Variants in SPIDR observed in about 807,000 individuals in gnomAD.
SPIDR encodes the protein DNA repair-scaffolding protein.
A neutral mutation model predicts 104.6 loss-of-function variants in SPIDR; 93 were observed. The observed-to-expected ratio is 0.89, with a 90% CI of 0.75 to 1.06. The LOEUF (loss-of-function observed/expected upper bound fraction) is 1.06. Ranked by LOEUF, SPIDR falls within the 50% of genes least tolerant of loss-of-function variation. The probability of loss-of-function intolerance (pLI) is 0.00; values close to 1 mark genes in which losing one functional copy is unlikely to be tolerated. For missense variants in SPIDR, 1,154 were observed against 1,111.2 expected (o/e 1.04, Z -0.55); for synonymous variants, 431 against 416.9 (o/e 1.03, Z -0.41).
intron 8 of SPIDR, among the ~76,000 whole-genome samples, chr8:47,573,705 T>G (rs1041519179): frequency 2.6e-5 from 4 of 152,222 alleles, no homozygotes; most frequent in South Asian, 2.1e-4. Context: ...GCCACCAGTC[T>G]CACTTTTGGA....
At chr8:47,394,137 C>T (rs2060970208) in intron 5 of SPIDR, among the ~76,000 whole-genome samples, 1 of 152,186 alleles carries the variant, frequency 6.6e-6, no homozygotes, top group Non-Finnish European at 1.5e-5. Flanking sequence ...AAACTCCTGG[C>T]CTCAAGTGAT....
intron 10 of SPIDR, among the ~76,000 whole-genome samples, chr8:47,656,817 A>G (rs1196226960): frequency 6.6e-6 from 1 of 152,264 alleles, no homozygotes; most frequent in Admixed American, 6.5e-5. Flanking sequence ...ATGGAATATC[A>G]TTCAGCAACA....
At chr8:47,448,504 T>G (rs931159043) in intron 8 of SPIDR, among the ~76,000 whole-genome samples, 5 of 152,110 alleles carry the variant, frequency 3.3e-5, no homozygotes, top group African/African-American at 1.2e-4. Context: ...GAGCTCACAG[T>G]GTGGTGGAAG....
At chr8:47,581,770 G>A (rs1326105922) in intron 8 of SPIDR, among the ~76,000 whole-genome samples, 1 of 152,140 alleles carries the variant, frequency 6.6e-6, no homozygotes, top group African/African-American at 2.4e-5. Context: ...GGAGGAGAAG[G>A]AAGGAAGAAA....
rs879110033 is a variant in SPIDR, at chr8:47,702,097, TTACACA to T, written c.1977+83_1977+88del. On this transcript the variant is annotated intron_variant, in intron 14 of 19. Coordinates refer to ENST00000297423, the MANE Select transcript of SPIDR (RefSeq NM_001080394.4). ...CTCTCTCTCTCTCTCTCTCTCTCTC[TTACACA>T]CACACACACACACACACACACACAC... 7.3e-4 allele frequency: 46 copies of T among 63,170 alleles called. 1 individual carries two copies. The highest frequency in any genetic ancestry group is 2.1e-3 in the South Asian group (4 of 1,894). The allele number at this position is 63,170 out of a possible 1,614,324, so 3.9% of individuals were successfully genotyped here.
At chr8:47,405,460 T>A (rs2062620141) in intron 6 of SPIDR, among the ~76,000 whole-genome samples, 3 of 152,308 alleles carry the variant, frequency 2.0e-5, no homozygotes, top group Admixed American at 1.3e-4. Context: ...AATTGTTTAT[T>A]CTTTACCTGG....
intron 5 of SPIDR, among the ~76,000 whole-genome samples, chr8:47,297,057 G>A (rs923473054): frequency 6.6e-6 from 1 of 152,158 alleles, no homozygotes; most frequent in Non-Finnish European, 1.5e-5. Flanking sequence ...GAGAAACACT[G>A]TAGATTTTGT....
intron 8 of SPIDR, among the ~76,000 whole-genome samples, chr8:47,500,057 G>T (rs529193442): frequency 6.6e-6 from 1 of 152,296 alleles, no homozygotes; most frequent in East Asian, 1.9e-4. Flanking sequence ...GGACGTTTGG[G>T]TTGGTTCCAA....
intron 8 of SPIDR, among the ~76,000 whole-genome samples, chr8:47,490,565 T>C (rs2078517409): frequency 6.6e-6 from 1 of 152,236 alleles, no homozygotes; most frequent in Non-Finnish European, 1.5e-5. Context: ...ATTGTGGCAC[T>C]ATTCACAGTA....
chr8:47,644,782 G>A (rs142668817), intron 10 of SPIDR, among the ~76,000 whole-genome samples: 1 of 152,314 alleles, frequency 6.6e-6, no homozygotes, highest in African/African-American at 2.4e-5. Flanking sequence ...GAGTAACCTG[G>A]ATAGGAGCAT....
chr8:47,557,967 T>C (rs72646358), intron 8 of SPIDR, among the ~76,000 whole-genome samples: 5,988 of 152,256 alleles, frequency 0.039, 144 homozygotes, highest in Middle Eastern at 0.065. Flanking sequence ...TGGAATACTT[T>C]GCAGCCATAA....
At chr8:47,267,400 A>G (rs146508605) in intron 1 of SPIDR, among the ~76,000 whole-genome samples, 112 of 152,364 alleles carry the variant, frequency 7.4e-4, no homozygotes, top group African/African-American at 2.6e-3. Flanking sequence ...TTTGGGTCAC[A>G]TAATAACTGT....
At position 47,364,296 on chromosome 8, in the gene SPIDR, G is replaced by T. The variant is rs181782345; in HGVS notation, c.526-32080G>T. On this transcript the variant is annotated intron_variant, in intron 5 of 19. Coordinates refer to ENST00000297423, the MANE Select transcript of SPIDR (RefSeq NM_001080394.4). ...GTTACTATGAGTCGATGTTCCTTTG[G>T]TCCCTTCTGTGTCCTTGACCTGTAT... 2.8e-3 allele frequency among the ~76,000 whole-genome samples: 419 copies of T among 152,218 alleles called. 1 individual carries two copies. The highest frequency in any genetic ancestry group is 9.9e-3 in the African/African-American group (409 of 41,516).
At chr8:47,653,903 A>G (rs2072178112) in intron 10 of SPIDR, 1 of 923,306 alleles carries the variant, frequency 1.1e-6, no homozygotes. Context: ...AAAAAAGGAA[A>G]AAGAATTGTT....
intron 5 of SPIDR, among the ~76,000 whole-genome samples, chr8:47,351,249 A>G (rs537011955): frequency 6.6e-6 from 1 of 152,336 alleles, no homozygotes; most frequent in Non-Finnish European, 1.5e-5. Context: ...GGGAAAATCT[A>G]TGGTGAATAT....
At chr8:47,447,131 G>A (rs1323355722) in intron 8 of SPIDR, among the ~76,000 whole-genome samples, 1 of 152,176 alleles carries the variant, frequency 6.6e-6, no homozygotes, top group African/African-American at 2.4e-5. Context: ...CCTGAAGATG[G>A]GACTGAATTG....
chr8:47,445,652 A>G (rs560686756), intron 8 of SPIDR, among the ~76,000 whole-genome samples: 1 of 152,292 alleles, frequency 6.6e-6, no homozygotes, highest in African/African-American at 2.4e-5. Flanking sequence ...CTCTTGTGCC[A>G]GTTAGGCTTC....
intron 10 of SPIDR, among the ~76,000 whole-genome samples, chr8:47,628,327 C>G (rs2066523280): frequency 6.6e-6 from 1 of 152,118 alleles, no homozygotes; most frequent in African/African-American, 2.4e-5. Flanking sequence ...TTTAACCAAC[C>G]ATTTCTGACA....
intron 10 of SPIDR, among the ~76,000 whole-genome samples, chr8:47,637,054 A>G (rs571259497): frequency 7.2e-5 from 11 of 152,284 alleles, no homozygotes; most frequent in Admixed American, 3.9e-4. Context: ...CTACTTTTGG[A>G]AAGCACATAG....
Sources: gnomAD v4.1 joint callset for allele counts (sites outside exome capture counted in the v4.1 genomes callset) on GRCh38, gnomAD v4.1.1 for gene constraint, MANE v1.5 for transcripts, NCBI Gene and HGNC (gene_info 2026-07-23, HGNC 2026-07-21) for gene names.